Variants in ADGB observed in about 807,000 individuals in gnomAD.
ADGB encodes the protein calpain-7-like protein.
In ADGB, 172 loss-of-function variants were observed where a neutral mutation model predicts 210.5. The ratio of observed to expected loss-of-function variants is 0.82; its 90% confidence interval spans 0.72 to 0.93. The LOEUF is 0.93. Ranked by LOEUF, ADGB falls within the 40% of genes least tolerant of loss-of-function variation. The pLI is 0.00. For missense variants in ADGB, 2,025 were observed against 1,964.8 expected (o/e 1.03, Z -0.58); for synonymous variants, 658 against 662.7 (o/e 0.99, Z 0.11).
At chr6:146,691,433 T>TATAA (rs1776311051) in intron 11 of ADGB, 143 bp downstream of exon 11, 5 of 28,492 alleles carry the variant, frequency 1.8e-4, no homozygotes, top group African/African-American at 9.8e-4. Flanking sequence ...TATATATATA[T>TATAA]ATATATATAA....
intron 1 of ADGB, among the ~76,000 whole-genome samples, chr6:146,602,008 C>T (rs1780563030): frequency 6.6e-6 from 1 of 152,194 alleles, no homozygotes; most frequent in Non-Finnish European, 1.5e-5. Context: ...ACGGTAGAAT[C>T]ATCTATGTTC....
intron 26 of ADGB, among the ~76,000 whole-genome samples, chr6:146,750,237 G>T (rs997289494): frequency 2.0e-5 from 3 of 152,014 alleles, no homozygotes; most frequent in African/African-American, 7.2e-5. Context: ...TAATTTCAAG[G>T]AGGAATAAAG....
At chr6:146,807,482 A>G (rs1471309597) in intron 35 of ADGB, 3 of 1,551,700 alleles carry the variant, frequency 1.9e-6, no homozygotes, top group African/African-American at 1.4e-5. Flanking sequence ...CTGAGCACCT[A>G]AAGCTGGAAG....
At chr6:146,765,332 G>A (rs1777555553) in intron 28 of ADGB, among the ~76,000 whole-genome samples, 1 of 151,526 alleles carries the variant, frequency 6.6e-6, no homozygotes, top group Non-Finnish European at 1.5e-5. Context: ...TAAGTAAATA[G>A]AATTGTGAGA....
intron 33 of ADGB, among the ~76,000 whole-genome samples, chr6:146,796,254 A>G (rs2114659549): frequency 6.6e-6 from 1 of 152,326 alleles, no homozygotes; most frequent in Non-Finnish European, 1.5e-5. Flanking sequence ...CAATATTGTC[A>G]AAATGACCAT....
Position 146,801,866 on chromosome 6 carries a change from T to C in ADGB, c.4673T>C (p.Leu1558Ser). Reference sequence around the variant, plus strand: ...GATCCTCTGCTGCAAACAGATGAATTGAATCAGCAGCAGGCAATGCAAAAG... The same window carrying C: ...GATCCTCTGCTGCAAACAGATGAATCGAATCAGCAGCAGGCAATGCAAAAG... The part of the protein sequence containing the change: ...DTDPLLQTDE[L>S]NQQQAMQKAE... The change falls in exon 35 of 36, where the codon TTG becomes TCG. Residue 1558 changes from leucine (L) to serine (S), a missense_variant. Physicochemically the swap from Leu to Ser is moderately radical, Grantham distance 145. Coordinates refer to ENST00000397944, the MANE Select transcript of ADGB (RefSeq NM_024694.4). 1 of 1,550,200 alleles carries C rather than the reference T, an allele frequency of 6.5e-7. No individual in the cohort carries two copies. The highest frequency in any genetic ancestry group is 8.7e-7 in the Non-Finnish European group (1 of 1,146,332).
intron 3 of ADGB, 110 bp downstream of exon 3, chr6:146,644,975 T>A (rs1775586094): frequency 1.7e-6 from 1 of 572,100 alleles, no homozygotes; most frequent in South Asian, 3.7e-5. Context: ...TCTTGTGGTA[T>A]TCAGTAAAAA....
At chr6:146,722,408 C>A (rs1173894851) in intron 17 of ADGB, among the ~76,000 whole-genome samples, 1 of 152,122 alleles carries the variant, frequency 6.6e-6, no homozygotes, top group Admixed American at 6.5e-5. Context: ...GCTCTTTTTA[C>A]CCCCTCATCT....
At position 146,815,220 on chromosome 6, in the gene ADGB, A is replaced by G; in HGVS notation, c.*3A>G. 1 of 1,502,852 alleles carries G rather than the reference A, an allele frequency of 6.7e-7. No homozygotes were observed. 93.1% of individuals were successfully genotyped at this position (1,502,852 alleles called of 1,614,324 possible). ...AAAAGAAAGGAAAGAAAAAGTAACC[A>G]GGGGATGTCCAATACTACCCTGCTT... On this transcript the variant is annotated 3_prime_UTR_variant, in exon 36 of 36. Transcript: ENST00000397944.
At chr6:146,605,817 A>G (rs1780623052) in intron 1 of ADGB, among the ~76,000 whole-genome samples, 1 of 152,178 alleles carries the variant, frequency 6.6e-6, no homozygotes, top group Admixed American at 6.5e-5. Context: ...TCCCTTTGAA[A>G]TAGTCTCAAT....
At chr6:146,614,360 A>G (rs1344839325) in intron 1 of ADGB, among the ~76,000 whole-genome samples, 2 of 152,162 alleles carry the variant, frequency 1.3e-5, no homozygotes, top group Non-Finnish European at 2.9e-5. Flanking sequence ...CCACTATCAA[A>G]AAATAAACAG....
In ADGB at chr6:146,788,597, G is replaced by A. The variant is rs2114651364; in HGVS notation, c.4524G>A (p.Arg1508=). The change falls in exon 33 of 36, where the codon CGG becomes CGA. Residue 1508 remains arginine (R), a synonymous_variant. Coordinates refer to ENST00000397944, the MANE Select transcript of ADGB (RefSeq NM_024694.4). ...AAGAAGAGCGCGAGCAGAGCACACGGAAGGAAAACATTCGTAAGTATTGCT... is the reference window on the plus strand; with the variant it reads ...AAGAAGAGCGCGAGCAGAGCACACGAAAGGAAAACATTCGTAAGTATTGCT... ...PGKEEREQST[R]KENIQTGPRT... The A allele has an allele frequency of 1.9e-6, 3 of 1,551,520 alleles. No individual in the cohort carries two copies. Among genetic ancestry groups the A allele is most frequent in the African/African-American group, 2.7e-5 (2 of 73,130 alleles).
At chr6:146,730,741 A>C (rs1365630985) in intron 20 of ADGB, among the ~76,000 whole-genome samples, 1 of 152,116 alleles carries the variant, frequency 6.6e-6, no homozygotes, top group Non-Finnish European at 1.5e-5. Context: ...TTTTAGAAAG[A>C]TGTACTGGCC....
At chr6:146,716,561 C>CCGCA in intron 14 of ADGB, among the ~76,000 whole-genome samples, 1 of 135,222 alleles carries the variant, frequency 7.4e-6, no homozygotes, top group South Asian at 2.3e-4. Flanking sequence ...CCACTGCAGT[C>CCGCA]CGCAGTCCCA....
At position 146,788,401 on chromosome 6, in the gene ADGB, C is replaced by A. The variant is rs1325943685; in HGVS notation, c.4328C>A (p.Ala1443Glu). The A allele has an allele frequency of 3.2e-6, 5 of 1,551,374 alleles. No individual in the cohort carries two copies. The East Asian group carries it at 7.3e-5, about 23-fold the overall frequency. The change falls in exon 33 of 36, where the codon GCA becomes GAA. Residue 1443 changes from alanine to glutamate, a missense_variant. Transcript: ENST00000397944. ...TGTCATGTTGTAGTAGAAACAGCTG[C>A]ACGTGGCGTAAAAGAACCAAACTCA... is the stretch of plus-strand genomic sequence containing the variant. ...TKPKEEVETA[A>E]RGVKEPNSKN...
intron 9 of ADGB, among the ~76,000 whole-genome samples, chr6:146,683,619 A>G (rs981148057): frequency 3.9e-5 from 6 of 152,094 alleles, no homozygotes; most frequent in African/African-American, 1.2e-4. Flanking sequence ...TTTGTCATCA[A>G]CATCATTTCT....
chr6:146,688,690 C>T (rs1347769135), intron 10 of ADGB, among the ~76,000 whole-genome samples: 1 of 151,092 alleles, frequency 6.6e-6, no homozygotes, highest in East Asian at 1.9e-4. Context: ...AGTGTGTCAC[C>T]ATCTTCCTGT....
At chr6:146,730,384 C>T (rs1776963608) in intron 20 of ADGB, among the ~76,000 whole-genome samples, 1 of 152,072 alleles carries the variant, frequency 6.6e-6, no homozygotes, top group Non-Finnish European at 1.5e-5. Flanking sequence ...AAATCTTACC[C>T]CAAGCAGATA....
intron 32 of ADGB, 36 bp from the exon 33 acceptor site, chr6:146,788,353 G>A (rs746419747): frequency 3.5e-5 from 54 of 1,528,864 alleles, no homozygotes; most frequent in Non-Finnish European, 4.6e-5. Flanking sequence ...TTCATGGAAC[G>A]CCAGCTTTTT....
Sources: allele counts gnomAD v4.1 joint callset (sites outside exome capture counted in the v4.1 genomes callset), GRCh38; gene constraint gnomAD v4.1.1; transcripts MANE v1.5; gene names NCBI Gene and HGNC (gene_info 2026-07-23, HGNC 2026-07-21).